ZFYVE9: variants seen among roughly 807,000 people sequenced by gnomAD.
ZFYVE9 encodes zinc finger FYVE-type containing 9.
Under a neutral mutation model 126.7 loss-of-function variants are expected in ZFYVE9, and 43 were observed. That is an observed-to-expected ratio of 0.34 (90% CI 0.27 to 0.44). The LOEUF is 0.44. Ranked by LOEUF, ZFYVE9 falls within the 20% of genes least tolerant of loss-of-function variation. ZFYVE9 has a pLI of 1.00. For synonymous variants in ZFYVE9, 521 were observed against 597.4 expected, an observed-to-expected ratio of 0.87 and a Z score of 1.87; for missense variants, 1,476 against 1,697.0, an observed-to-expected ratio of 0.87 and a Z score of 2.29.
At chr1:52,200,594 G>A (rs1227256979) in intron 1 of ZFYVE9, among the ~76,000 whole-genome samples, 1 of 152,136 alleles carries the variant, frequency 6.6e-6, no homozygotes, top group African/African-American at 2.4e-5. Flanking sequence ...AGGTCATCTA[G>A]ATTTTCTACT....
chr1:52,276,138 C>G (rs1401422901), intron 8 of ZFYVE9, among the ~76,000 whole-genome samples: 3 of 151,956 alleles, frequency 2.0e-5, no homozygotes, highest in Non-Finnish European at 4.4e-5. Context: ...GAACTCTTGA[C>G]CTGGTGATTT....
chr1:52,143,156 A>G (rs930198705), intron 1 of ZFYVE9, among the ~76,000 whole-genome samples: 18 of 152,182 alleles, frequency 1.2e-4, no homozygotes, highest in Non-Finnish European at 1.3e-4. Context: ...CAGAAGAAAT[A>G]TTTTTATGCT....
intron 13 of ZFYVE9, among the ~76,000 whole-genome samples, chr1:52,330,671 G>T (rs777997598): frequency 6.6e-6 from 1 of 152,068 alleles, no homozygotes; most frequent in Non-Finnish European, 1.5e-5. Context: ...CACCATCTTG[G>T]TTTTGGTGGG....
chr1:52,209,170 C>A (rs1047101613), intron 1 of ZFYVE9, among the ~76,000 whole-genome samples: 2 of 151,990 alleles, frequency 1.3e-5, no homozygotes, highest in Admixed American at 1.3e-4. Context: ...TACACAAGAT[C>A]GAAGGGGCAC....
At chr1:52,301,972 A>C (rs1646039950) in intron 12 of ZFYVE9, among the ~76,000 whole-genome samples, 1 of 152,164 alleles carries the variant, frequency 6.6e-6, no homozygotes, top group Non-Finnish European at 1.5e-5. Flanking sequence ...CTTTTAAACA[A>C]TCTCAATCAA....
At chr1:52,164,964 G>C (rs1228395215) in intron 1 of ZFYVE9, among the ~76,000 whole-genome samples, 1 of 152,174 alleles carries the variant, frequency 6.6e-6, no homozygotes, top group African/African-American at 2.4e-5. Context: ...TTAATAGGTA[G>C]AGAGTTTCAG....
intron 10 of ZFYVE9, among the ~76,000 whole-genome samples, chr1:52,289,360 C>G (rs1311554942): frequency 2.6e-5 from 4 of 152,088 alleles, no homozygotes; most frequent in Non-Finnish European, 5.9e-5. Flanking sequence ...GAAATGGTAC[C>G]GTTCTGCTTA....
chr1:52,307,621 C>T (rs530460689), intron 13 of ZFYVE9, among the ~76,000 whole-genome samples: 2 of 152,278 alleles, frequency 1.3e-5, no homozygotes, highest in South Asian at 2.1e-4. Flanking sequence ...ACTCTGTTGC[C>T]TCCGTTTATG....
At chr1:52,335,546 G>C (rs1400227370) in intron 15 of ZFYVE9, among the ~76,000 whole-genome samples, 3 of 152,164 alleles carry the variant, frequency 2.0e-5, no homozygotes, top group Non-Finnish European at 4.4e-5. Flanking sequence ...TGGGATAGCT[G>C]GACTTTTTAC....
At chr1:52,301,215 A>G (rs1646030484) in intron 12 of ZFYVE9, among the ~76,000 whole-genome samples, 1 of 139,718 alleles carries the variant, frequency 7.2e-6, no homozygotes, top group Non-Finnish European at 1.5e-5. Context: ...TCTGCTTTGC[A>G]TTGTTTTCCC....
chr1:52,193,919 T>C (rs1301401758), intron 1 of ZFYVE9, among the ~76,000 whole-genome samples: 1 of 152,102 alleles, frequency 6.6e-6, no homozygotes, highest in Non-Finnish European at 1.5e-5. Context: ...TTTATATAAC[T>C]GATAAATAAC....
chr1:52,194,161 T>G (rs906459155), intron 1 of ZFYVE9, among the ~76,000 whole-genome samples: 2 of 151,870 alleles, frequency 1.3e-5, no homozygotes, highest in African/African-American at 4.8e-5. Flanking sequence ...TATCATTGAG[T>G]GAGAAAAACA....
chr1:52,147,283 G>A (rs770501494), intron 1 of ZFYVE9, among the ~76,000 whole-genome samples: 68 of 152,078 alleles, frequency 4.5e-4, no homozygotes, highest in Non-Finnish European at 5.9e-4. Flanking sequence ...TTACGGAACT[G>A]GAAAAGTTAG....
At chr1:52,214,850 T>C (rs1645057965) in intron 1 of ZFYVE9, among the ~76,000 whole-genome samples, 1 of 152,152 alleles carries the variant, frequency 6.6e-6, no homozygotes, top group Admixed American at 6.5e-5. Flanking sequence ...ATGTCCCAGC[T>C]CAACCAATCA....
rs188072250 is a variant in ZFYVE9 at position 52,148,227 on chromosome 1, C to G, written c.-143+5824C>G. 1.4e-3 allele frequency among the ~76,000 whole-genome samples: 217 copies of G among 152,194 alleles called. 1 individual carries two copies. Among genetic ancestry groups the G allele is most frequent in the Middle Eastern group, 6.8e-3 (2 of 294 alleles). On this transcript the variant is annotated intron_variant, in intron 1 of 18. Transcript: ENST00000287727. Reference sequence around the variant, plus strand: ...CTGTGGCTCACGCCTGTAATCCCAGCACTTTGGGAGGCTGAGGTGGGCCGA... The same window carrying G: ...CTGTGGCTCACGCCTGTAATCCCAGGACTTTGGGAGGCTGAGGTGGGCCGA...
chr1:52,265,238 A>C (rs1422605022), intron 5 of ZFYVE9, among the ~76,000 whole-genome samples: 7 of 152,028 alleles, frequency 4.6e-5, no homozygotes, highest in Non-Finnish European at 1.0e-4. Flanking sequence ...CTTAATATTT[A>C]ATTTGATGCT....
Position 52,336,841 on chromosome 1 carries a change from G to A in ZFYVE9, c.3671-931G>A, listed in dbSNP as rs116946615. On this transcript the variant is annotated intron_variant, in intron 15 of 18. Transcript: ENST00000287727. Reference sequence around the variant, plus strand: ...ATACACCTATAGTACCAGCTACTTGGGAGGCTGAGGTGGGAGGACCCTGTG... The same window carrying A: ...ATACACCTATAGTACCAGCTACTTGAGAGGCTGAGGTGGGAGGACCCTGTG... 9.1e-3 allele frequency among the ~76,000 whole-genome samples: 1,382 copies of A among 151,950 alleles called. 62 individuals are homozygous for A. In the East Asian group the frequency reaches 0.12, roughly 13 times the overall value.
At chr1:52,321,989 C>A (rs1233654760) in intron 13 of ZFYVE9, among the ~76,000 whole-genome samples, 4 of 152,174 alleles carry the variant, frequency 2.6e-5, no homozygotes, top group African/African-American at 9.7e-5. Context: ...TAGCCTAAAT[C>A]TCTCTGCTGT....
chr1:52,345,549 A>G (rs112727725), intron 18 of ZFYVE9, among the ~76,000 whole-genome samples: 1 of 152,006 alleles, frequency 6.6e-6, no homozygotes, highest in Non-Finnish European at 1.5e-5. Context: ...TTCTGGTCCT[A>G]TCTCACATAA....
Sources: gnomAD v4.1 joint callset for allele counts (sites outside exome capture counted in the v4.1 genomes callset) on GRCh38, gnomAD v4.1.1 for gene constraint, MANE v1.5 for transcripts, NCBI Gene and HGNC (gene_info 2026-07-23, HGNC 2026-07-21) for gene names.